Variants in INO80 observed in about 807,000 individuals in gnomAD.
INO80 encodes the protein INO80 complex ATPase subunit.
Under a neutral mutation model 203.4 loss-of-function variants are expected in INO80, and 20 were observed. The ratio of observed to expected loss-of-function variants is 0.10; its 90% CI spans 0.07 to 0.14. The LOEUF is 0.14. Among genes scored for constraint, INO80 ranks in the 10% least tolerant of loss-of-function variants. The pLI is 1.00. For synonymous variants in INO80, 726 were observed against 685.2 expected (o/e 1.06, Z -0.93); for missense variants, 1,419 against 1,914.4 (o/e 0.74, Z 4.83).
chr15:40,986,743 A>G (rs28528813), intron 31 of INO80, among the ~76,000 whole-genome samples: 16,690 of 152,014 alleles, frequency 0.11, 2,683 homozygotes, highest in African/African-American at 0.35. Flanking sequence ...CTTCTGCTTT[A>G]GCTTCCCAAA....
At chr15:41,075,289 T>A (rs75067288) in intron 9 of INO80, among the ~76,000 whole-genome samples, 1 of 151,752 alleles carries the variant, frequency 6.6e-6, no homozygotes, top group Admixed American at 6.6e-5. Context: ...TTTTTTTTTT[T>A]GAGACAAGTC....
chr15:41,076,691 AAG>A (rs757503446), intron 9 of INO80, among the ~76,000 whole-genome samples: 2 of 152,032 alleles, frequency 1.3e-5, no homozygotes, highest in Non-Finnish European at 2.9e-5. Context: ...GCACTGAGCC[AAG>A]ATTATGCCAC....
intron 30 of INO80, 60 bp downstream of exon 30, chr15:40,987,756 A>G (rs1366610935): frequency 1.4e-6 from 2 of 1,467,014 alleles, no homozygotes; most frequent in Non-Finnish European, 1.9e-6. Context: ...CAATGCAGTC[A>G]ATGTGGTTGG....
intron 1 of INO80, among the ~76,000 whole-genome samples, chr15:41,111,305 G>C (rs1307365683): frequency 6.6e-6 from 1 of 152,184 alleles, no homozygotes; most frequent in African/African-American, 2.4e-5. Context: ...AATTAGCTGG[G>C]TGTGGTGGCA....
chr15:41,080,583 C>T (rs1195542243), intron 8 of INO80, among the ~76,000 whole-genome samples: 2 of 152,162 alleles, frequency 1.3e-5, no homozygotes, highest in African/African-American at 2.4e-5. Flanking sequence ...AGGCCGGGCG[C>T]GGTGGCTCAT....
intron 1 of INO80, among the ~76,000 whole-genome samples, chr15:41,108,591 CAAAAAAAA>C (rs61591905): frequency 1.9e-5 from 1 of 53,206 alleles, no homozygotes; most frequent in East Asian, 5.8e-4. Context: ...GACTCCGTCT[CAAAAAAAA>C]AAAAAAAAAA....
rs1227818656 is a variant in INO80, at chr15:41,027,618, A to G, written c.3026T>C (p.Phe1009Ser). The G allele has an allele frequency of 1.7e-5, 28 of 1,613,062 alleles. 1 individual carries two copies. The East Asian group carries it at 6.0e-4, about 35-fold the overall frequency. Residue 1009 changes from phenylalanine to serine, a missense_variant, in exon 25 of 36, where the codon TTT becomes TCT. Physicochemically the swap from Phe to Ser is radical, Grantham distance 155 (BLOSUM62 -2). Coordinates refer to ENST00000648947, the MANE Select transcript of INO80 (RefSeq NM_017553.3). ...TACTCGTGGACTGGCCACACACAAA[A>G]AAGATGGCAGCTCAGTGAGCAGGCA... Reference protein sequence around the residue: ...RRCLLTELPSFLCVASPRVTA... With the variant: ...RRCLLTELPSSLCVASPRVTA...
intron 25 of INO80, among the ~76,000 whole-genome samples, chr15:41,022,566 T>C (rs1277982660): frequency 1.3e-5 from 2 of 152,126 alleles, no homozygotes; most frequent in Non-Finnish European, 2.9e-5. Flanking sequence ...CCATGGGCTG[T>C]AGGTGCCTCT....
chr15:40,980,589 T>G (rs1893790686), intron 35 of INO80, 149 bp from the exon 36 acceptor site: 1 of 630,264 alleles, frequency 1.6e-6, no homozygotes, highest in Non-Finnish European at 2.9e-6. Flanking sequence ...TCTTGGCATG[T>G]TTGCTTGCTC....
At chr15:41,095,091 C>A (rs1183106647) in intron 4 of INO80, among the ~76,000 whole-genome samples, 1 of 151,416 alleles carries the variant, frequency 6.6e-6, no homozygotes, top group East Asian at 1.9e-4. Flanking sequence ...ATAATCCCAG[C>A]ACTTTGGGAG....
chr15:41,108,270 A>G (rs975299114), intron 1 of INO80, among the ~76,000 whole-genome samples: 1 of 152,122 alleles, frequency 6.6e-6, no homozygotes, highest in African/African-American at 2.4e-5. Context: ...AGATGAAGTC[A>G]AGAGCTGTGA....
intron 1 of INO80, among the ~76,000 whole-genome samples, chr15:41,106,091 T>A (rs757240951): frequency 1.4e-4 from 22 of 152,022 alleles, no homozygotes; most frequent in Non-Finnish European, 2.6e-4. Context: ...GACCCACCTC[T>A]CTATAAAAAT....
intron 28 of INO80, among the ~76,000 whole-genome samples, chr15:40,998,248 C>G (rs1353830810): frequency 6.6e-6 from 1 of 151,904 alleles, no homozygotes; most frequent in Non-Finnish European, 1.5e-5. Flanking sequence ...GTCTTGAACT[C>G]CTGACCTCGT....
chr15:41,034,505 AG>A (rs2044540229), intron 24 of INO80, among the ~76,000 whole-genome samples: 1 of 152,222 alleles, frequency 6.6e-6, no homozygotes. Flanking sequence ...ATCTGATGAT[AG>A]GAAGTTATAT....
intron 1 of INO80, among the ~76,000 whole-genome samples, chr15:41,103,729 A>T (rs1415315709): frequency 1.3e-5 from 2 of 152,138 alleles, no homozygotes; most frequent in Admixed American, 6.6e-5. Context: ...GTTCCTCAAT[A>T]GTTTTCCAAA....
chr15:40,980,743 G>C (rs767488744), intron 35 of INO80, among the ~76,000 whole-genome samples: 1 of 152,176 alleles, frequency 6.6e-6, no homozygotes, highest in Non-Finnish European at 1.5e-5. Flanking sequence ...TACAATCTGA[G>C]ACACCAAAGT....
At chr15:41,017,203 A>G (rs1242450319) in intron 26 of INO80, 1 of 150,370 alleles carries the variant, frequency 6.7e-6, no homozygotes, top group African/African-American at 2.5e-5. Flanking sequence ...TCAGCAACAG[A>G]TCTTTAAAGA....
At chr15:41,025,376 A>C (rs145786753) in intron 25 of INO80, among the ~76,000 whole-genome samples, 36 of 152,310 alleles carry the variant, frequency 2.4e-4, no homozygotes, top group African/African-American at 8.4e-4. Context: ...TCAACAAATA[A>C]ATACAATTAC....
At chr15:41,051,140 A>AAAAAAAAAAAAAG (rs2044863126) in intron 19 of INO80, among the ~76,000 whole-genome samples, 2 of 150,992 alleles carry the variant, frequency 1.3e-5, no homozygotes, top group Admixed American at 1.3e-4. Context: ...AAAAAAAAAA[A>AAAAAAAAAAAAAG]AAAGAAAGTT....
Sources: gnomAD v4.1 joint callset for allele counts (sites outside exome capture counted in the v4.1 genomes callset) on GRCh38, gnomAD v4.1.1 for gene constraint, MANE v1.5 for transcripts, NCBI Gene and HGNC (gene_info 2026-07-23, HGNC 2026-07-21) for gene names.